Variants in THRAP3 observed in about 807,000 individuals in gnomAD.
The protein encoded by THRAP3 is thyroid hormone receptor associated protein 3, also known as thyroid hormone receptor-associated protein 3.
In THRAP3, 16 loss-of-function variants were observed where a neutral mutation model predicts 101.0. The ratio of observed to expected loss-of-function variants is 0.16; its 90% CI spans 0.11 to 0.24. The LOEUF is 0.24. Among genes scored for constraint, THRAP3 ranks in the 10% least tolerant of loss-of-function variants. THRAP3 has a pLI of 1.00. For synonymous variants in THRAP3, 407 were observed against 422.6 expected, an observed-to-expected ratio of 0.96 and a Z score of 0.45; for missense variants, 989 against 1,202.7, an observed-to-expected ratio of 0.82 and a Z score of 2.63.
chr1:36,214,128 G>A, the THRAP3 span, among the ~76,000 whole-genome samples: 3 of 152,228 alleles, frequency 2.0e-5, no homozygotes, highest in Admixed American at 1.3e-4. Context: ...ACCTACTGCT[G>A]TCAATTCCGT....
the THRAP3 span, among the ~76,000 whole-genome samples, chr1:36,219,304 C>G: frequency 8.1e-4 from 123 of 152,284 alleles, 3 homozygotes; most frequent in East Asian, 0.013. Context: ...GATGCCATCA[C>G]CGTTACATAA....
intron 6 of THRAP3, 57 bp from the exon 7 acceptor site, chr1:36,292,541 A>T: frequency 7.1e-7 from 1 of 1,406,034 alleles, no homozygotes; most frequent in Non-Finnish European, 9.9e-7. Flanking sequence ...AAGTGGTGGG[A>T]TTATAGGCTT....
At chr1:36,215,181 G>A in the THRAP3 span, among the ~76,000 whole-genome samples, 4 of 151,796 alleles carry the variant, frequency 2.6e-5, no homozygotes, top group East Asian at 3.9e-4. Flanking sequence ...CCGAGACTGC[G>A]CCACTGCACT....
At chr1:36,250,730 G>A (rs56117006) in intron 1 of THRAP3, among the ~76,000 whole-genome samples, 1 of 151,002 alleles carries the variant, frequency 6.6e-6, no homozygotes, top group Non-Finnish European at 1.5e-5. Flanking sequence ...TGGCCAACAT[G>A]GCGAAACCCA....
chr1:36,251,780 C>G (rs2124456035), intron 1 of THRAP3, among the ~76,000 whole-genome samples: 1 of 152,242 alleles, frequency 6.6e-6, no homozygotes, highest in African/African-American at 2.4e-5. Flanking sequence ...TTTCTGAGAA[C>G]TTTATACATA....
chr1:36,294,174 AAAAG>A, intron 8 of THRAP3: 8 of 1,262,506 alleles, frequency 6.3e-6, no homozygotes, highest in Non-Finnish European at 8.0e-6. Flanking sequence ...CTTGAGAAAA[AAAAG>A]AGAGGAGTTT....
At chr1:36,294,570 A>G (rs1645920995) in intron 8 of THRAP3, among the ~76,000 whole-genome samples, 1 of 152,238 alleles carries the variant, frequency 6.6e-6, no homozygotes, top group African/African-American at 2.4e-5. Flanking sequence ...ATTGATCTTC[A>G]TTCACATATA....
At chr1:36,265,613 C>A (rs1234983616) in intron 2 of THRAP3, among the ~76,000 whole-genome samples, 2 of 152,006 alleles carry the variant, frequency 1.3e-5, no homozygotes, top group Non-Finnish European at 2.9e-5. Context: ...TACCAAATAA[C>A]TGTAAAGTAT....
chr1:36,274,999 C>T (rs1458486127), intron 2 of THRAP3, among the ~76,000 whole-genome samples: 4 of 147,818 alleles, frequency 2.7e-5, no homozygotes, highest in Admixed American at 6.7e-5. Flanking sequence ...TTTGGCCGGG[C>T]GCGGTGGCTC....
chr1:36,257,897 A>G (rs764464251), intron 1 of THRAP3, among the ~76,000 whole-genome samples: 71 of 152,164 alleles, frequency 4.7e-4, no homozygotes, highest in Non-Finnish European at 8.4e-4. Context: ...CTGGAGTGCA[A>G]TGGCACGATC....
chr1:36,277,713 C>A (rs1645678509), intron 2 of THRAP3, among the ~76,000 whole-genome samples: 1 of 151,986 alleles, frequency 6.6e-6, no homozygotes, highest in Admixed American at 6.6e-5. Context: ...GGGTGAAAAA[C>A]CAAATGAGTT....
the THRAP3 span, among the ~76,000 whole-genome samples, chr1:36,210,703 G>GTATA: frequency 5.2e-3 from 14 of 2,696 alleles, no homozygotes; most frequent in East Asian, 0.025. Flanking sequence ...AAAAAAAAAA[G>GTATA]TATATATATA....
chr1:36,243,998 G>A lies in THRAP3; in HGVS notation c.-134-15384G>A, dbSNP rs1443493356. Among the ~76,000 whole-genome samples, 8 of 143,936 alleles carry A rather than the reference G, an allele frequency of 5.6e-5. No homozygotes were observed. The South Asian group carries it at 1.6e-3, about 28-fold the overall frequency. The allele number at this position is 143,936 out of a possible 152,430, so 94.4% of individuals were successfully genotyped here. On this transcript the variant is annotated intron_variant, in intron 1 of 11. Transcript: ENST00000354618. ...TGAACCCCCCACCTCCCTCCCGGAC[G>A]GGGCGGCTGGCCGGGCGGGGGGCTG... is the stretch of plus-strand genomic sequence containing the variant.
At chr1:36,218,942 A>G in the THRAP3 span, among the ~76,000 whole-genome samples, 1 of 151,402 alleles carries the variant, frequency 6.6e-6, no homozygotes, top group Non-Finnish European at 1.5e-5. Flanking sequence ...CTGAAGCAGA[A>G]TAATTGCTTG....
chr1:36,209,620 C>T, the THRAP3 span, among the ~76,000 whole-genome samples: 3 of 152,124 alleles, frequency 2.0e-5, no homozygotes, highest in South Asian at 2.1e-4. Flanking sequence ...GTAAATAAAA[C>T]GTGCCAGCAA....
chr1:36,278,626 T>A (rs1645691597), intron 2 of THRAP3, among the ~76,000 whole-genome samples: 1 of 152,158 alleles, frequency 6.6e-6, no homozygotes, highest in Admixed American at 6.5e-5. Context: ...AAAGGCTGTT[T>A]GAAATTCTGT....
At position 36,271,532 on chromosome 1, in the gene THRAP3, T is replaced by G. The variant is rs139094646; in HGVS notation, c.-31-11001T>G. Among the ~76,000 whole-genome samples the G allele has an allele frequency of 1.1e-3, 166 of 151,486 alleles. 3 individuals are homozygous for G. In the East Asian group the frequency reaches 0.031, roughly 29 times the overall value. On this transcript the variant is annotated intron_variant, in intron 2 of 11. Coordinates refer to ENST00000354618, the MANE Select transcript of THRAP3 (RefSeq NM_005119.4). Reference sequence around the variant, plus strand: ...TCCTGACCTCGTGATCTGCCTACCTTGGCTTCCCAAAGTGCTGGGATTACA... The same window carrying G: ...TCCTGACCTCGTGATCTGCCTACCTGGGCTTCCCAAAGTGCTGGGATTACA...
At chr1:36,238,026 G>T (rs551986519) in intron 1 of THRAP3, among the ~76,000 whole-genome samples, 1 of 152,108 alleles carries the variant, frequency 6.6e-6, no homozygotes, top group South Asian at 2.1e-4. Context: ...AATAGAGACG[G>T]GTTTCACCGT....
chr1:36,252,948 A>G (rs953719151), intron 1 of THRAP3, among the ~76,000 whole-genome samples: 92 of 116,418 alleles, frequency 7.9e-4, no homozygotes, highest in African/African-American at 2.8e-3. Flanking sequence ...ATATATATAT[A>G]TATATATATA....
Sources: gnomAD v4.1 joint callset for allele counts (sites outside exome capture counted in the v4.1 genomes callset) on GRCh38, gnomAD v4.1.1 for gene constraint, MANE v1.5 for transcripts, NCBI Gene and HGNC (gene_info 2026-07-23, HGNC 2026-07-21) for gene names.